IL13RA2: variants seen among roughly 807,000 people sequenced by gnomAD.
The protein encoded by IL13RA2 is interleukin-13 receptor subunit alpha-2.
Under a neutral mutation model 34.1 loss-of-function variants are expected in IL13RA2, and 25 were observed. That is an observed-to-expected ratio of 0.73 (90% CI 0.53 to 1.03). The LOEUF (loss-of-function observed/expected upper bound fraction) is 1.03, where lower values mean the gene tolerates loss of function less well. Ranked by LOEUF, IL13RA2 falls within the 50% of genes least tolerant of loss-of-function variation. The probability of loss-of-function intolerance (pLI) is 0.00; values close to 1 mark genes in which losing one functional copy is unlikely to be tolerated. For synonymous variants in IL13RA2, 106 were observed against 100.4 expected (o/e 1.06, Z -0.33); for missense variants, 297 against 280.9 (o/e 1.06, Z -0.41).
chrX:115,007,850 T>G (rs2071691113), intron 8 of IL13RA2, 82 bp downstream of exon 8: 1 of 600,537 alleles, frequency 1.7e-6, no homozygotes, highest in Non-Finnish European at 2.7e-6. Flanking sequence ...CCTTCACTTC[T>G]GTAATTACAA....
chrX:115,006,254 G>T (rs1176892974), intron 8 of IL13RA2, among the ~76,000 whole-genome samples: 1 of 111,687 alleles, frequency 9.0e-6, no homozygotes, highest in African/African-American at 3.3e-5. Flanking sequence ...TCCTGAAGAG[G>T]ACATACTTTT....
chrX:115,015,065 G>A (rs1330940341), intron 3 of IL13RA2, among the ~76,000 whole-genome samples: 19 of 111,534 alleles, frequency 1.7e-4, no homozygotes, highest in Non-Finnish European at 2.8e-4. Context: ...CTAGTAGAGT[G>A]CCCAGCACAA....
At chrX:115,008,351 A>G (rs1556508147) in intron 7 of IL13RA2, among the ~76,000 whole-genome samples, 5 of 111,362 alleles carry the variant, frequency 4.5e-5, no homozygotes, top group Non-Finnish European at 9.4e-5. Flanking sequence ...CAAAATTCCT[A>G]GGTAGCCTTG....
intron 1 of IL13RA2, 40 bp from the exon 2 acceptor site, chrX:115,017,342 T>C: frequency 1.8e-6 from 1 of 571,220 alleles, no homozygotes; most frequent in Non-Finnish European, 3.1e-6. Context: ...TTATCTTACA[T>C]CAAATAATCA....
In IL13RA2 at chrX:115,009,697, G is replaced by A. The variant is rs200725229; in HGVS notation, c.707-31C>T. On this transcript the variant is annotated intron_variant, in intron 6 of 9. Transcript: ENST00000243213. ...AAGCAAAAGAGAACCATTTCAACAC[G>A]GAGATTGTTGAAGTTTAGCAGTAGC... is the stretch of plus-strand genomic sequence containing the variant. 22 of 1,177,102 alleles carry A rather than the reference G, an allele frequency of 1.9e-5. No individual in the cohort carries two copies. The East Asian group carries it at 2.1e-4, about 11-fold the overall frequency.
intron 8 of IL13RA2, among the ~76,000 whole-genome samples, chrX:115,006,915 A>C (rs897436825): frequency 8.9e-6 from 1 of 111,873 alleles, no homozygotes. Flanking sequence ...AAAACTAGTA[A>C]GTCTTCTTTC....
intron 4 of IL13RA2, among the ~76,000 whole-genome samples, 185 bp downstream of exon 4, chrX:115,014,236 C>T (rs1021613986): frequency 7.2e-5 from 8 of 111,365 alleles, no homozygotes; most frequent in African/African-American, 2.6e-4. Context: ...ACAGGTTTTG[C>T]CAAAGGTATT....
At chrX:115,014,644 G>T in intron 3 of IL13RA2, 70 bp from the exon 4 acceptor site, 1 of 754,040 alleles carries the variant, frequency 1.3e-6, no homozygotes, top group Non-Finnish European at 1.9e-6. Context: ...ATATTAATAA[G>T]ACTAATAAAT....
At chrX:115,012,785 A>C (rs782616770) in intron 5 of IL13RA2, among the ~76,000 whole-genome samples, 2 of 111,463 alleles carry the variant, frequency 1.8e-5, no homozygotes, top group East Asian at 2.8e-4. Context: ...AACAAAAAAA[A>C]AAACAAAGTA....
At chrX:115,016,363 A>T (rs1038405008) in intron 2 of IL13RA2, among the ~76,000 whole-genome samples, 8 of 110,705 alleles carry the variant, frequency 7.2e-5, no homozygotes, top group Non-Finnish European at 1.3e-4. Context: ...TAAGGCTGTT[A>T]AAAAAATCTA....
intron 2 of IL13RA2, 79 bp downstream of exon 2, chrX:115,017,097 A>C (rs1556510295): frequency 1.7e-6 from 1 of 576,349 alleles, no homozygotes; most frequent in East Asian, 3.4e-5. Flanking sequence ...GCAGGTCAAA[A>C]AGACAGTTAA....
At chrX:115,009,299 A>G (rs926455002) in intron 7 of IL13RA2, among the ~76,000 whole-genome samples, 1 of 111,165 alleles carries the variant, frequency 9.0e-6, no homozygotes, top group African/African-American at 3.3e-5. Context: ...CACAAAATTG[A>G]AAACAAGTGA....
At chrX:115,016,236 C>T (rs1405439510) in intron 2 of IL13RA2, among the ~76,000 whole-genome samples, 2 of 111,042 alleles carry the variant, frequency 1.8e-5, no homozygotes, top group African/African-American at 6.6e-5. Flanking sequence ...GTGATTGTTG[C>T]ACAACTTTGT....
At chrX:115,014,620 T>C in intron 3 of IL13RA2, 46 bp from the exon 4 acceptor site, 2 of 979,742 alleles carry the variant, frequency 2.0e-6, no homozygotes, top group Non-Finnish European at 2.9e-6. Flanking sequence ...GAAACCTCCA[T>C]GGTATAGTGA....
intron 5 of IL13RA2, among the ~76,000 whole-genome samples, chrX:115,012,385 T>C (rs2071708921): frequency 9.0e-6 from 1 of 111,547 alleles, no homozygotes; most frequent in African/African-American, 3.3e-5. Context: ...ACCAATCCCT[T>C]AAAAATTTAA....
chrX:115,016,547 T>G (rs2071728073), intron 2 of IL13RA2, among the ~76,000 whole-genome samples: 1 of 107,464 alleles, frequency 9.3e-6, no homozygotes, highest in Non-Finnish European at 1.9e-5. Flanking sequence ...AAAATCTGTC[T>G]AACAATAACA....
intron 9 of IL13RA2, 24 bp from the exon 10 acceptor site, chrX:115,004,130 A>G (rs1556507011): frequency 1.2e-6 from 1 of 866,231 alleles, no homozygotes; most frequent in South Asian, 2.1e-5. Context: ...TGTTATTAAC[A>G]AGTCATCTCT....
At chrX:115,012,138 T>G (rs1395424430) in intron 5 of IL13RA2, among the ~76,000 whole-genome samples, 1 of 112,370 alleles carries the variant, frequency 8.9e-6, no homozygotes, top group Non-Finnish European at 1.9e-5. Flanking sequence ...GATTTATCTA[T>G]TATTATTTTC....
At chrX:115,006,819 A>G (rs2071687177) in intron 8 of IL13RA2, among the ~76,000 whole-genome samples, 1 of 112,357 alleles carries the variant, frequency 8.9e-6, no homozygotes, top group African/African-American at 3.2e-5. Flanking sequence ...ACTTTATACA[A>G]TGCATTGACT....
Sources: gnomAD v4.1 joint callset for allele counts (sites outside exome capture counted in the v4.1 genomes callset) on GRCh38, gnomAD v4.1.1 for gene constraint, MANE v1.5 for transcripts, NCBI Gene and HGNC (gene_info 2026-07-23, HGNC 2026-07-21) for gene names.